CSMD3: variants seen among roughly 807,000 people sequenced by gnomAD.
CSMD3 encodes the protein CUB and Sushi multiple domains 3.
Under a neutral mutation model 435.2 loss-of-function variants are expected in CSMD3, and 177 were observed. That is an observed-to-expected ratio of 0.41 (90% CI 0.36 to 0.46). The LOEUF (loss-of-function observed/expected upper bound fraction) is 0.46, where lower values mean the gene tolerates loss of function less well. Among genes scored for constraint, CSMD3 ranks in the 20% least tolerant of loss-of-function variants. The pLI, the probability that CSMD3 is intolerant of heterozygous loss-of-function variation, is 0.34. For missense variants in CSMD3, 4,265 were observed against 4,504.6 expected (o/e 0.95, Z 1.52); for synonymous variants, 1,656 against 1,520.5 (o/e 1.09, Z -2.07).
rs146475008 is a variant in CSMD3, at chr8:113,278,604, C to A, written c.502G>T (p.Val168Leu). 6.5e-7 allele frequency: 1 copy of A among 1,533,120 alleles called. No homozygotes were observed. The allele number at this position is 1,533,120 out of a possible 1,614,324, so 95.0% of individuals were successfully genotyped here. Residue 168 changes from valine to leucine, a missense_variant, in exon 3 of 71, where the codon GTA becomes TTA. By Grantham distance (32) the Val-to-Leu change is conservative. Around this residue, in one of 3 missense-constraint regions of CSMD3, gnomAD observed 731 missense variants for 755.4 expected, o/e 0.97. Coordinates refer to ENST00000297405, the MANE Select transcript of CSMD3 (RefSeq NM_198123.2). ...TACCATCACTTACCTTCGTAATATA[C>A]CTTAAATCCATGAGCACTAACTGCA... is the stretch of plus-strand genomic sequence containing the variant. ...DFAVSAHGFK[V>L]YYEELQSSSC...
rs748094713 is a variant in CSMD3 at position 113,376,773 on chromosome 8, C to A, written c.178+59904G>T. On this transcript the variant is annotated intron_variant, in intron 1 of 70. Transcript: ENST00000297405. Reference sequence around the variant, plus strand: ...CTGTCGGTCAAGCTGTACAGGTTTCCAGCAAAGGAACCAACTCCACATTCA... The same window carrying A: ...CTGTCGGTCAAGCTGTACAGGTTTCAAGCAAAGGAACCAACTCCACATTCA... 1.9e-6 allele frequency: 3 copies of A among 1,613,912 alleles called. No individual in the cohort carries two copies. In the South Asian group the frequency reaches 3.3e-5, roughly 18 times the overall value.
At chr8:112,796,880 C>G (rs2078842149) in intron 13 of CSMD3, among the ~76,000 whole-genome samples, 1 of 151,982 alleles carries the variant, frequency 6.6e-6, no homozygotes, top group South Asian at 2.1e-4. Context: ...ATATCATTAA[C>G]TACCCAAGAG....
chr8:112,854,507 T>A (rs1194428888), intron 11 of CSMD3, among the ~76,000 whole-genome samples: 3 of 152,266 alleles, frequency 2.0e-5, no homozygotes, highest in African/African-American at 7.2e-5. Flanking sequence ...ACAGCTCACA[T>A]CATGGTCAGA....
intron 1 of CSMD3, among the ~76,000 whole-genome samples, chr8:113,366,122 T>A (rs2094309818): frequency 1.3e-5 from 2 of 151,952 alleles, no homozygotes; most frequent in African/African-American, 4.8e-5. Flanking sequence ...CCAAAATATA[T>A]CAGTATTTTA....
At chr8:112,626,552 A>C (rs1412404139) in intron 22 of CSMD3, among the ~76,000 whole-genome samples, 1 of 152,088 alleles carries the variant, frequency 6.6e-6, no homozygotes, top group African/African-American at 2.4e-5. Flanking sequence ...ATTTTTAAAA[A>C]ATGGAATTAG....
intron 1 of CSMD3, among the ~76,000 whole-genome samples, chr8:113,395,757 C>G (rs555390404): frequency 2.0e-5 from 3 of 152,152 alleles, no homozygotes; most frequent in African/African-American, 7.2e-5. Context: ...AATTACAGAG[C>G]CTTCTGCCAT....
intron 8 of CSMD3, among the ~76,000 whole-genome samples, chr8:112,948,979 A>G (rs1234220632): frequency 6.6e-6 from 1 of 151,980 alleles, no homozygotes; most frequent in Non-Finnish European, 1.5e-5. Flanking sequence ...GCACAATCAT[A>G]GTTCACTGTA....
chr8:112,680,690 G>GT, intron 16 of CSMD3, among the ~76,000 whole-genome samples: 1 of 152,190 alleles, frequency 6.6e-6, no homozygotes, highest in African/African-American at 2.4e-5. Flanking sequence ...GCAGTTAGTA[G>GT]TAAAAAGAAG....
At chr8:112,299,022 T>C (rs971035562) in intron 53 of CSMD3, among the ~76,000 whole-genome samples, 9 of 152,080 alleles carry the variant, frequency 5.9e-5, no homozygotes, top group South Asian at 2.1e-4. Context: ...TAGAATCCTA[T>C]TGAGCAATAA....
intron 12 of CSMD3, among the ~76,000 whole-genome samples, chr8:112,806,397 A>G (rs1046046192): frequency 6.6e-6 from 1 of 152,184 alleles, no homozygotes; most frequent in African/African-American, 2.4e-5. Flanking sequence ...TGTTGATGAC[A>G]AGATTCTGTG....
chr8:112,352,270 T>A (rs1428170854), intron 39 of CSMD3, 146 bp downstream of exon 39: 1 of 1,203,978 alleles, frequency 8.3e-7, no homozygotes, highest in East Asian at 2.6e-5. Flanking sequence ...CTCATGTGCA[T>A]ATTTTATTAT....
intron 1 of CSMD3, among the ~76,000 whole-genome samples, chr8:113,423,586 AG>A (rs1398183714): frequency 6.6e-6 from 1 of 152,018 alleles, no homozygotes; most frequent in Non-Finnish European, 1.5e-5. Context: ...AAGTGTAAAA[AG>A]ACCACTTTCT....
chr8:113,161,937 A>C lies in CSMD3; in HGVS notation c.709+11785T>G, dbSNP rs540085300. Among the ~76,000 whole-genome samples, 3 of 152,160 alleles carry C rather than the reference A, an allele frequency of 2.0e-5. No homozygotes were observed. In the South Asian group the frequency reaches 6.2e-4, roughly 31 times the overall value. ...ACTTATATAACTCTACACGTTATAC[A>C]TGACTAAATAACATTTGTTCCTGAA... On this transcript the variant is annotated intron_variant, in intron 4 of 70. Coordinates refer to ENST00000297405, the MANE Select transcript of CSMD3 (RefSeq NM_198123.2).
chr8:112,261,264 T>A (rs959824034), intron 61 of CSMD3, among the ~76,000 whole-genome samples: 4 of 152,260 alleles, frequency 2.6e-5, no homozygotes, highest in African/African-American at 7.2e-5. Flanking sequence ...TATATTTATT[T>A]TATACTAACA....
At chr8:113,075,695 A>G (rs2089306987) in intron 5 of CSMD3, among the ~76,000 whole-genome samples, 1 of 151,870 alleles carries the variant, frequency 6.6e-6, no homozygotes, top group South Asian at 2.1e-4. Context: ...ATTCAGGGTA[A>G]CTATTCTGTC....
intron 10 of CSMD3, among the ~76,000 whole-genome samples, chr8:112,912,007 C>A (rs981884587): frequency 6.7e-6 from 1 of 149,138 alleles, no homozygotes; most frequent in African/African-American, 2.4e-5. Flanking sequence ...ATGTTATCAT[C>A]TACTGATAAT....
At chr8:113,126,857 G>A (rs2091147311) in intron 4 of CSMD3, among the ~76,000 whole-genome samples, 1 of 151,734 alleles carries the variant, frequency 6.6e-6, no homozygotes, top group Admixed American at 6.6e-5. Flanking sequence ...AACACAGGAA[G>A]CTCTCTCCTA....
At chr8:112,497,156 A>G (rs1821434182) in intron 30 of CSMD3, among the ~76,000 whole-genome samples, 1 of 152,072 alleles carries the variant, frequency 6.6e-6, no homozygotes, top group Non-Finnish European at 1.5e-5. Flanking sequence ...GGAGATAAAA[A>G]TTGAAACAAT....
chr8:112,725,433 A>G (rs1156787967), intron 13 of CSMD3, among the ~76,000 whole-genome samples: 1 of 151,872 alleles, frequency 6.6e-6, no homozygotes, highest in Non-Finnish European at 1.5e-5. Context: ...AGTTAATGTC[A>G]TCTAAAATAA....
Sources: gnomAD v4.1 joint callset for allele counts (sites outside exome capture counted in the v4.1 genomes callset) on GRCh38, gnomAD v4.1.1 for gene constraint, gnomAD v4.1.1 regional missense constraint, MANE v1.5 for transcripts, NCBI Gene and HGNC (gene_info 2026-07-23, HGNC 2026-07-21) for gene names.